The following SUFU variants were observed in gnomAD, a reference collection of about 807,000 sequenced individuals.
The protein encoded by SUFU is SUFU negative regulator of hedgehog signaling.
Under a neutral mutation model 58.9 loss-of-function variants are expected in SUFU, and 7 were observed. The ratio of observed to expected loss-of-function variants is 0.12; its 90% confidence interval spans 0.07 to 0.22. The LOEUF is 0.22. SUFU is among the 10% of genes least tolerant of loss of function. The probability of loss-of-function intolerance (pLI) is 1.00; values close to 1 mark genes in which losing one functional copy is unlikely to be tolerated. For synonymous variants in SUFU, 232 were observed against 254.8 expected, an observed-to-expected ratio of 0.91 and a Z score of 0.85; for missense variants, 451 against 641.3, an observed-to-expected ratio of 0.70 and a Z score of 3.20.
chr10:102,532,480 C>T (rs1477446256), intron 2 of SUFU, among the ~76,000 whole-genome samples: 1 of 152,218 alleles, frequency 6.6e-6, no homozygotes, highest in African/African-American at 2.4e-5. Context: ...CCTCCTAAGG[C>T]TGTGGTCAGA....
At chr10:102,558,819 A>G (rs1020377026) in intron 3 of SUFU, among the ~76,000 whole-genome samples, 1 of 152,346 alleles carries the variant, frequency 6.6e-6, no homozygotes, top group South Asian at 2.1e-4. Context: ...TGGAAGTCAG[A>G]TTATTAGAGG....
rs1170831161 is a variant in SUFU, at chr10:102,506,039, G to GAA, written c.182+1731_182+1732dup. On this transcript the variant is annotated intron_variant, in intron 1 of 11. Coordinates refer to ENST00000369902, the MANE Select transcript of SUFU (RefSeq NM_016169.4). ...TAGCCAGACCCTAACTCTGTTATTT[G>GAA]AAAAAAAAAAAAAAAAAAAAAAAAA... Among the ~76,000 whole-genome samples, 28 of 84,202 alleles carry GAA rather than the reference G, an allele frequency of 3.3e-4. 1 individual carries two copies. Among genetic ancestry groups the GAA allele is most frequent in the African/African-American group, 4.7e-4 (11 of 23,624 alleles). 55.2% of individuals were successfully genotyped at this position (84,202 alleles called of 152,430 possible).
intron 6 of SUFU, among the ~76,000 whole-genome samples, chr10:102,596,662 G>A (rs1246671335): frequency 6.6e-6 from 1 of 152,214 alleles, no homozygotes; most frequent in Non-Finnish European, 1.5e-5. Flanking sequence ...GGAAACTGCA[G>A]GTGTGGCCTG....
chr10:102,573,231 G>A (rs2063181109), intron 3 of SUFU: 1 of 708,202 alleles, frequency 1.4e-6, no homozygotes, highest in Admixed American at 2.0e-5. Context: ...ACCGTCTTGT[G>A]AAAAGGGCCT....
intron 2 of SUFU, among the ~76,000 whole-genome samples, chr10:102,510,288 C>T (rs971989077): frequency 6.6e-6 from 1 of 151,960 alleles, no homozygotes; most frequent in Admixed American, 6.6e-5. Flanking sequence ...TGGCTCACTG[C>T]AAGCTCCACC....
chr10:102,507,206 T>A (rs1175265125), intron 1 of SUFU, among the ~76,000 whole-genome samples: 1 of 152,222 alleles, frequency 6.6e-6, no homozygotes, highest in Non-Finnish European at 1.5e-5. Context: ...CTCCTTGATG[T>A]GACACCTTGT....
At chr10:102,544,142 T>A (rs2062831082) in intron 2 of SUFU, among the ~76,000 whole-genome samples, 1 of 152,124 alleles carries the variant, frequency 6.6e-6, no homozygotes, top group Admixed American at 6.6e-5. Flanking sequence ...CTTCAAGTTC[T>A]AGCTCTATCA....
intron 2 of SUFU, among the ~76,000 whole-genome samples, chr10:102,511,041 A>C (rs2062394855): frequency 1.3e-5 from 2 of 151,590 alleles, no homozygotes; most frequent in Non-Finnish European, 2.9e-5. Flanking sequence ...TAATTGCTTG[A>C]ACCTGGGAGG....
At chr10:102,572,732 T>C (rs1175937387) in intron 3 of SUFU, 3 of 728,082 alleles carry the variant, frequency 4.1e-6, no homozygotes, top group Non-Finnish European at 7.6e-6. Flanking sequence ...ATACATATAT[T>C]TAGAATTACC....
chr10:102,549,352 G>A (rs980874692), intron 2 of SUFU, among the ~76,000 whole-genome samples: 18 of 152,222 alleles, frequency 1.2e-4, no homozygotes, highest in African/African-American at 4.1e-4. Flanking sequence ...GTGGGCAAAA[G>A]CAGAGAAAAC....
intron 6 of SUFU, among the ~76,000 whole-genome samples, chr10:102,596,042 C>T (rs901005913): frequency 1.3e-5 from 2 of 152,178 alleles, no homozygotes; most frequent in African/African-American, 4.8e-5. Context: ...ACACAGAGCG[C>T]TTCCCTGCTT....
At chr10:102,525,571 C>G (rs1379192691) in intron 2 of SUFU, among the ~76,000 whole-genome samples, 1 of 152,178 alleles carries the variant, frequency 6.6e-6, no homozygotes, top group African/African-American at 2.4e-5. Context: ...CTTGCGATCT[C>G]AGTTCACTGC....
rs537867178 is a variant in SUFU, at chr10:102,504,426, G to A, written c.182+92G>A. 10 of 1,562,594 alleles carry A rather than the reference G, an allele frequency of 6.4e-6. No individual in the cohort carries two copies. In the East Asian group the frequency reaches 1.2e-4, roughly 19 times the overall value. On this transcript the variant is annotated intron_variant, in intron 1 of 11. Coordinates refer to ENST00000369902, the MANE Select transcript of SUFU (RefSeq NM_016169.4). ...GTAATTTGTGGGAGGTGGGAGGAGG[G>A]GTAGAGAATGGTTAAAGCACTCAGA...
Position 102,599,414 on chromosome 10 carries a change from C to T in SUFU, c.911-19C>T, listed in dbSNP as rs1053684007. The stretch of plus-strand genomic sequence containing the variant: ...GGGAGCCCACTGGGCCACTGGGCAA[C>T]TTAGTGGTGTCGTTGCAGACACAGA... On this transcript the variant is annotated intron_variant, in intron 7 of 11. Coordinates refer to ENST00000369902, the MANE Select transcript of SUFU (RefSeq NM_016169.4). 7 of 1,604,468 alleles carry T rather than the reference C, an allele frequency of 4.4e-6. 1 individual carries two copies. The South Asian group carries it at 7.7e-5, about 18-fold the overall frequency.
chr10:102,598,326 G>C (rs1343769045), intron 7 of SUFU, among the ~76,000 whole-genome samples: 1 of 151,990 alleles, frequency 6.6e-6, no homozygotes, highest in Non-Finnish European at 1.5e-5. Context: ...GCTAATTTTT[G>C]TATTTTTTTG....
intron 2 of SUFU, among the ~76,000 whole-genome samples, chr10:102,515,504 C>T (rs952883758): frequency 2.0e-5 from 3 of 151,738 alleles, no homozygotes; most frequent in Non-Finnish European, 2.9e-5. Context: ...TTAGTAGAGA[C>T]GGGGTTTCAC....
intron 2 of SUFU, among the ~76,000 whole-genome samples, chr10:102,534,152 G>C (rs1309941374): frequency 6.6e-6 from 1 of 152,208 alleles, no homozygotes; most frequent in African/African-American, 2.4e-5. Context: ...CTCTGGGCCA[G>C]GCGCGGTGGC....
intron 3 of SUFU, among the ~76,000 whole-genome samples, chr10:102,571,493 T>C (rs994054348): frequency 1.5e-5 from 2 of 137,312 alleles, no homozygotes; most frequent in African/African-American, 5.6e-5. Context: ...GCCGAAACCC[T>C]GTCTCTACTA....
At chr10:102,591,733 T>C (rs2063404398) in intron 3 of SUFU, 1 of 152,110 alleles carries the variant, frequency 6.6e-6, no homozygotes. Flanking sequence ...TGTGGATGCA[T>C]AGGCTGGACA....
Sources: gnomAD v4.1 joint callset for allele counts (sites outside exome capture counted in the v4.1 genomes callset) on GRCh38, gnomAD v4.1.1 for gene constraint, MANE v1.5 for transcripts, NCBI Gene and HGNC (gene_info 2026-07-23, HGNC 2026-07-21) for gene names.